SUSD2: variants seen among roughly 807,000 people sequenced by gnomAD.
The protein encoded by SUSD2 is sushi domain-containing protein 2.
In SUSD2, 86 loss-of-function variants were observed where a neutral mutation model predicts 93.8. The observed-to-expected ratio is 0.92, with a 90% CI of 0.77 to 1.10. SUSD2 has a LOEUF of 1.10. Ranked by LOEUF, SUSD2 falls within the 50% of genes least tolerant of loss-of-function variation. SUSD2 has a pLI of 0.00. For missense variants in SUSD2, 1,060 were observed against 1,137.0 expected, an observed-to-expected ratio of 0.93 and a Z score of 0.97; for synonymous variants, 483 against 485.0, an observed-to-expected ratio of 1.00 and a Z score of 0.05.
chr22:24,188,666 A>C lies in SUSD2; in HGVS notation c.*230A>C. On this transcript the variant is annotated 3_prime_UTR_variant, in exon 15 of 15. Coordinates refer to ENST00000358321, the MANE Select transcript of SUSD2 (RefSeq NM_019601.4). The surrounding 1 kb of genome is among the most constrained non-coding windows in gnomAD (Gnocchi z 4.7). ...TCTTCCCCAAATACTCACGGCTCTA[A>C]TTCCCCAAACCTGAAACTTCATACC... 1.8e-6 allele frequency: 1 copy of C among 549,278 alleles called. No homozygotes were observed. 34.0% of individuals were successfully genotyped at this position (549,278 alleles called of 1,614,324 possible).
At position 24,185,932 on chromosome 22, in the gene SUSD2, G is replaced by A; in HGVS notation, c.1339+3G>A. Reference sequence around the variant, plus strand: ...CAACTACCGGCCCCCAAGACTGGGTGGGTGCCATCCCGTGCCCCAGACCCT... The same window carrying A: ...CAACTACCGGCCCCCAAGACTGGGTAGGTGCCATCCCGTGCCCCAGACCCT... On this transcript the variant is annotated splice_donor_region_variant and intron_variant, in intron 8 of 14. Coordinates refer to ENST00000358321, the MANE Select transcript of SUSD2 (RefSeq NM_019601.4). 6.4e-7 allele frequency: 1 copy of A among 1,569,126 alleles called. No individual in the cohort carries two copies. Among genetic ancestry groups the A allele is most frequent in the Non-Finnish European group, 8.7e-7 (1 of 1,153,570 alleles).
chr22:24,182,018 T>C (rs3788368), intron 1 of SUSD2, among the ~76,000 whole-genome samples: 17,490 of 151,790 alleles, frequency 0.12, 1,164 homozygotes, highest in African/African-American at 0.17. Context: ...ATCGACCCTC[T>C]TGCCACTTAT....
Position 24,181,593 on chromosome 22 carries a change from C to T in SUSD2, c.74C>T (p.Ala25Val). Reference protein sequence around the residue: ...TALGPGPGPTADAQESCSMRC... With the variant: ...TALGPGPGPTVDAQESCSMRC... ...CTCGGCCCGGGCCCCGGACCCACAG[C>T]AGGTATGCCTCCCTGCCCTTCTGTG... The change falls in exon 1 of 15, where the codon GCA becomes GTA. Residue 25 changes from alanine (A) to valine (V), a missense_variant and splice_region_variant. Around this residue, in one of 2 missense-constraint regions of SUSD2, gnomAD observed 87 missense variants for 131.6 expected, o/e 0.66. Coordinates refer to ENST00000358321, the MANE Select transcript of SUSD2 (RefSeq NM_019601.4). The T allele has an allele frequency of 6.3e-7, 1 of 1,596,598 alleles. No homozygotes were observed. Among genetic ancestry groups the T allele is most frequent in the South Asian group, 1.1e-5 (1 of 88,232 alleles).
Position 24,186,390 on chromosome 22 carries a change from C to CAGGAGGTGCT in SUSD2, c.1617_1618insAGGAGGTGCT (p.Glu540ArgfsTer4). 1 of 1,613,594 alleles carries CAGGAGGTGCT rather than the reference C, an allele frequency of 6.2e-7. No individual in the cohort carries two copies. Among genetic ancestry groups the CAGGAGGTGCT allele is most frequent in the Non-Finnish European group, 8.5e-7 (1 of 1,180,020 alleles). ...TGAACCAGGAGGTGCTGAGCTTCAC[C>CAGGAGGTGCT]GAGCAGAGCTGGATGGACCTGAAAG... On this transcript the variant is annotated frameshift_variant, in exon 10 of 15. Coordinates refer to ENST00000358321, the MANE Select transcript of SUSD2 (RefSeq NM_019601.4). LOFTEE classifies it high-confidence loss of function.
chr22:24,187,500 A>T (rs2047376805), intron 11 of SUSD2, 50 bp downstream of exon 11: 24 of 1,606,028 alleles, frequency 1.5e-5, no homozygotes, highest in Non-Finnish European at 2.0e-5. Flanking sequence ...GTTACTGGAA[A>T]CATGGCACGG....
chr22:24,184,815 C>A lies in SUSD2; in HGVS notation c.657C>A (p.Pro219=), dbSNP rs369330507. Residue 219 remains proline (P), a synonymous_variant, in exon 5 of 15, where the codon CCC becomes CCA. Coordinates refer to ENST00000358321, the MANE Select transcript of SUSD2 (RefSeq NM_019601.4). ...EWTAKWSYLY[P]LATHIPNSGS... is the part of the protein sequence containing the mutation. ...CTGCAAAGTGGTCGTACCTGTACCC[C>A]CTGGCCACACACATCCCCAACTCCG... 3 of 1,613,056 alleles carry A rather than the reference C, an allele frequency of 1.9e-6. No homozygotes were observed. Among genetic ancestry groups the A allele is most frequent in the East Asian group, 2.2e-5 (1 of 44,896 alleles).
At position 24,188,080 on chromosome 22, in the gene SUSD2, C is replaced by T. The variant is rs201042185; in HGVS notation, c.2286C>T (p.Thr762=). Residue 762 remains threonine (T), a synonymous_variant, in exon 13 of 15, where the codon ACC becomes ACT. Coordinates refer to ENST00000358321, the MANE Select transcript of SUSD2 (RefSeq NM_019601.4). This position sits in a 1 kb window ranked among gnomAD's most constrained non-coding sequence, Gnocchi z 4.7. Reference sequence around the variant, plus strand: ...GCTACAGCCTGGCCGGGGCAGAGACCAGCACCTGCCAGGCTGACGGCACCT... The same window carrying T: ...GCTACAGCCTGGCCGGGGCAGAGACTAGCACCTGCCAGGCTGACGGCACCT... ...DNGYSLAGAE[T]STCQADGTWS... 3 of 1,612,900 alleles carry T rather than the reference C, an allele frequency of 1.9e-6. No individual in the cohort carries two copies. Among genetic ancestry groups the T allele is most frequent in the East Asian group, 4.5e-5 (2 of 44,872 alleles).
At chr22:24,184,098 G>A (rs745497387) in intron 3 of SUSD2, 38 bp from the exon 4 acceptor site, 1 of 1,607,284 alleles carries the variant, frequency 6.2e-7, no homozygotes, top group Non-Finnish European at 8.5e-7. Flanking sequence ...GCTTCCCTGG[G>A]CCCAGGCCCT....
rs2047388215 is a variant in SUSD2 at position 24,188,888 on chromosome 22, A to G, written c.*452A>G. 6.0e-6 allele frequency: 1 copy of G among 166,244 alleles called. No individual in the cohort carries two copies. The highest frequency in any genetic ancestry group is 1.3e-5 in the Non-Finnish European group (1 of 76,554). The allele number at this position is 166,244 out of a possible 1,614,324, so 10.3% of individuals were successfully genotyped here. On this transcript the variant is annotated 3_prime_UTR_variant, in exon 15 of 15. Transcript: ENST00000358321. This position sits in a 1 kb window ranked among gnomAD's most constrained non-coding sequence, Gnocchi z 4.7. ...AGGCCTGCTCCCGGACCGTGCGGGC[A>G]CCAGTGCAGTGCTGCCTTGGTTCCT...
Position 24,183,508 on chromosome 22 carries a change from A to G in SUSD2, c.301A>G (p.Ile101Val). Residue 101 changes from isoleucine (I) to valine (V), a missense_variant, in exon 3 of 15, where the codon ATC (isoleucine) becomes GTC (valine). Coordinates refer to ENST00000358321, the MANE Select transcript of SUSD2 (RefSeq NM_019601.4). ...ASVICRFKDS[I>V]QTLGHVDSSG... ...CCACGCCCACAGGTTTAAGGACAGCATCCAGACCCTCGGCCATGTGGACTC... is the reference window on the plus strand; with the variant it reads ...CCACGCCCACAGGTTTAAGGACAGCGTCCAGACCCTCGGCCATGTGGACTC... 3 of 1,612,596 alleles carry G rather than the reference A, an allele frequency of 1.9e-6. No homozygotes were observed. The highest frequency in any genetic ancestry group is 1.7e-6 in the Non-Finnish European group (2 of 1,179,902).
Position 24,183,574 on chromosome 22 carries a change from A to G in SUSD2, c.367A>G (p.Ser123Gly). The G allele has an allele frequency of 6.2e-7, 1 of 1,613,304 alleles. No homozygotes were observed. ...CTGTGTGTCACCTCTGCTCTATGAGAGCGGCCGCATCCCCTTCACTGTGTC... is the reference window on the plus strand; with the variant it reads ...CTGTGTGTCACCTCTGCTCTATGAGGGCGGCCGCATCCCCTTCACTGTGTC... Reference protein sequence around the residue: ...VHCVSPLLYESGRIPFTVSLD... With the variant: ...VHCVSPLLYEGGRIPFTVSLD... The change falls in exon 3 of 15, where the codon AGC becomes GGC. Residue 123 changes from serine to glycine, a missense_variant. Ser to Gly is a moderately conservative substitution (Grantham distance 56). Coordinates refer to ENST00000358321, the MANE Select transcript of SUSD2 (RefSeq NM_019601.4).
chr22:24,183,178 G>A lies in SUSD2; in HGVS notation c.198G>A (p.Leu66=). Residue 66 remains leucine (L), a synonymous_variant, in exon 2 of 15, where the codon TTG becomes TTA. Coordinates refer to ENST00000358321, the MANE Select transcript of SUSD2 (RefSeq NM_019601.4). ...LDFRDFCLEI[L]PYSGSMMGGK... is the part of the protein sequence containing the mutation. ...TCCGGGACTTCTGCCTGGAGATATT[G>A]CCCTACTCAGGATCCATGATGGGCG... 1 of 1,614,012 alleles carries A rather than the reference G, an allele frequency of 6.2e-7. No homozygotes were observed. The highest frequency in any genetic ancestry group is 2.2e-5 in the East Asian group (1 of 44,888).
rs148977199 is a variant in SUSD2, at chr22:24,188,098, C to T, written c.2304C>T (p.Asp768=). The change falls in exon 13 of 15, where the codon GAC becomes GAT. Residue 768 remains aspartate (D), a synonymous_variant. Transcript: ENST00000358321. This position sits in a 1 kb window ranked among gnomAD's most constrained non-coding sequence, Gnocchi z 4.7. ...AGAETSTCQA[D]GTWSSPTPKC... ...CAGAGACCAGCACCTGCCAGGCTGA[C>T]GGCACCTGGTCCTCACCCACCCCGA... The T allele has an allele frequency of 1.4e-3, 2,284 of 1,612,980 alleles. 47 individuals are homozygous for T. In the South Asian group the frequency reaches 0.021, roughly 15 times the overall value.
Position 24,186,345 on chromosome 22 carries a change from CGGA to C in SUSD2, c.1575_1577del (p.Gly526del). The C allele has an allele frequency of 6.2e-7, 1 of 1,613,916 alleles. No homozygotes were observed. Among genetic ancestry groups the C allele is most frequent in the South Asian group, 1.1e-5 (1 of 91,086 alleles). ...TGGAAGTCAGGCTGGCCAACAGGAC[CGGA>C]GGTCTGGAGGTGCTGCTGAACCAGG... is the stretch of plus-strand genomic sequence containing the variant. On this transcript the variant is annotated inframe_deletion, in exon 10 of 15. Coordinates refer to ENST00000358321, the MANE Select transcript of SUSD2 (RefSeq NM_019601.4).
At position 24,185,156 on chromosome 22, in the gene SUSD2, G is replaced by C; in HGVS notation, c.845G>C (p.Arg282Pro). The C allele has an allele frequency of 6.2e-7, 1 of 1,612,716 alleles. No individual in the cohort carries two copies. Among genetic ancestry groups the C allele is most frequent in the Non-Finnish European group, 8.5e-7 (1 of 1,179,784 alleles). Residue 282 changes from arginine (R) to proline (P), a missense_variant, in exon 6 of 15, where the codon CGA (arginine) becomes CCA (proline). By Grantham distance (103) the Arg-to-Pro change is moderately radical. This residue lies in a region of SUSD2 where 973 missense variants were observed against 1,005.3 expected (regional missense o/e 0.97). Transcript: ENST00000358321. The part of the protein sequence containing the change: ...ALAWHLSDDF[R>P]EDPVAWARTQ... ...GCCTGGCACCTGAGCGATGACTTCC[G>C]AGAGGACCCTGTGGCCTGGGCACGA...
At chr22:24,183,690 T>A (rs1273965943) in intron 3 of SUSD2, 44 bp downstream of exon 3, 2 of 1,588,510 alleles carry the variant, frequency 1.3e-6, no homozygotes, top group East Asian at 2.2e-5. Flanking sequence ...ACGGGGACTT[T>A]CCCCAGCGCT....
chr22:24,184,993 C>A, intron 5 of SUSD2, 53 bp downstream of exon 5: 1 of 1,611,192 alleles, frequency 6.2e-7, no homozygotes. Context: ...CCGCCCGAGG[C>A]CCATCATGCT....
rs888484096 is a variant in SUSD2 at position 24,183,525 on chromosome 22, T to C, written c.318T>C (p.His106=). 5.0e-6 allele frequency: 8 copies of C among 1,612,956 alleles called. No individual in the cohort carries two copies. The highest frequency in any genetic ancestry group is 1.3e-5 in the African/African-American group (1 of 74,898). Residue 106 remains histidine, a synonymous_variant, in exon 3 of 15, where the codon CAT becomes CAC. Coordinates refer to ENST00000358321, the MANE Select transcript of SUSD2 (RefSeq NM_019601.4). ...RFKDSIQTLG[H]VDSSGQVHCV... ...AGGACAGCATCCAGACCCTCGGCCA[T>C]GTGGACTCCTCCGGGCAAGTGCACT...
intron 1 of SUSD2, among the ~76,000 whole-genome samples, 176 bp downstream of exon 1, chr22:24,181,771 GGGAGGTCTGAGCC>G (rs924809823): frequency 4.6e-5 from 7 of 152,342 alleles, no homozygotes; most frequent in Admixed American, 3.9e-4. Context: ...CCATGGGGAT[GGGAGGTCTGAGCC>G]GGGCCCACCC....
Sources: gnomAD v4.1 joint callset for allele counts (sites outside exome capture counted in the v4.1 genomes callset) on GRCh38, gnomAD v4.1.1 for gene constraint, gnomAD v4.1.1 regional missense constraint, Gnocchi (gnomAD v3.1) non-coding constraint, MANE v1.5 for transcripts, NCBI Gene and HGNC (gene_info 2026-07-23, HGNC 2026-07-21) for gene names.